The following PI4KA variants were observed in gnomAD, a reference collection of about 807,000 sequenced individuals.
PI4KA encodes PI4-kinase alpha.
Under a neutral mutation model 271.4 loss-of-function variants are expected in PI4KA, and 122 were observed. The ratio of observed to expected loss-of-function variants is 0.45; its 90% CI spans 0.39 to 0.52. The LOEUF is 0.52. Ranked by LOEUF, PI4KA falls within the 20% of genes least tolerant of loss-of-function variation. The pLI, the probability that PI4KA is intolerant of heterozygous loss-of-function variation, is 0.00. For synonymous variants in PI4KA, 1,041 were observed against 1,078.8 expected (o/e 0.96, Z 0.69); for missense variants, 1,969 against 2,769.1 (o/e 0.71, Z 6.48).
intron 43 of PI4KA, among the ~76,000 whole-genome samples, chr22:20,719,826 A>G (rs1295028606): frequency 6.6e-6 from 1 of 151,990 alleles, no homozygotes; most frequent in Non-Finnish European, 1.5e-5. Context: ...GGAAATTGAG[A>G]CCATCCTGGC....
At chr22:20,830,390 T>C (rs1601586995) in intron 3 of PI4KA, among the ~76,000 whole-genome samples, 3 of 152,348 alleles carry the variant, frequency 2.0e-5, no homozygotes, top group South Asian at 4.1e-4. Flanking sequence ...CTTTTACCAT[T>C]ATGTAATGCC....
chr22:20,753,244 A>G, intron 23 of PI4KA, 64 bp from the exon 24 acceptor site: 1 of 1,445,610 alleles, frequency 6.9e-7, no homozygotes, highest in Non-Finnish European at 9.6e-7. Context: ...GCAACTTTCA[A>G]TCATTTTCTT....
intron 28 of PI4KA, 64 bp from the exon 29 acceptor site, chr22:20,747,766 G>A (rs1930271909): frequency 9.8e-6 from 15 of 1,529,660 alleles, no homozygotes; most frequent in Non-Finnish European, 1.3e-5. Context: ...GCAGGGTCTC[G>A]CTCTGTCACC....
intron 1 of PI4KA, among the ~76,000 whole-genome samples, chr22:20,849,714 C>T (rs1017500600): frequency 2.0e-5 from 3 of 151,938 alleles, no homozygotes; most frequent in African/African-American, 7.3e-5. Flanking sequence ...ATTAGCCGGG[C>T]GCAGTGGCGG....
chr22:20,836,331 TTA>T (rs1230595268), intron 2 of PI4KA, among the ~76,000 whole-genome samples: 1 of 152,192 alleles, frequency 6.6e-6, no homozygotes, highest in Non-Finnish European at 1.5e-5. Context: ...GGGGACTTTG[TTA>T]TACCATAATA....
rs539034690 is a variant in PI4KA, at chr22:20,803,356, G to A, written c.1462-36C>T. ...CCATCAACCTGTCACATGGCCTGTGGTATGGGACCATCTGAGTAGGCCCTG... is the reference window on the plus strand; with the variant it reads ...CCATCAACCTGTCACATGGCCTGTGATATGGGACCATCTGAGTAGGCCCTG... On this transcript the variant is annotated intron_variant, in intron 12 of 54. Transcript: ENST00000255882. 5 of 1,612,892 alleles carry A rather than the reference G, an allele frequency of 3.1e-6. No homozygotes were observed. In the East Asian group the frequency reaches 8.9e-5, roughly 29 times the overall value.
At chr22:20,713,256 C>G in intron 48 of PI4KA, 25 bp downstream of exon 48, 1 of 1,504,974 alleles carries the variant, frequency 6.6e-7, no homozygotes, top group Non-Finnish European at 9.1e-7. Flanking sequence ...GTCCCCAAGC[C>G]TACTCGAGGC....
Position 20,810,950 on chromosome 22 carries a change from C to T in PI4KA, c.1071+17G>A. On this transcript the variant is annotated intron_variant, in intron 9 of 54. Coordinates refer to ENST00000255882, the MANE Select transcript of PI4KA (RefSeq NM_058004.4). ...AGTCAGGCTGATCTCATGGTAATGC[C>T]CTCAGAAGCGACATACCTCCATCAC... is the stretch of plus-strand genomic sequence containing the variant. 1.3e-6 allele frequency: 2 copies of T among 1,594,656 alleles called. No homozygotes were observed. The highest frequency in any genetic ancestry group is 1.7e-6 in the Non-Finnish European group (2 of 1,162,314).
intron 3 of PI4KA, among the ~76,000 whole-genome samples, chr22:20,828,179 T>C (rs1311232757): frequency 6.6e-6 from 1 of 152,230 alleles, no homozygotes; most frequent in Non-Finnish European, 1.5e-5. Context: ...TGTATAGGAA[T>C]GCTTCTGATT....
Position 20,751,320 on chromosome 22 carries a change from C to G in PI4KA, c.3126G>C (p.Thr1042=), listed in dbSNP as rs201868783. The G allele has an allele frequency of 1.2e-6, 2 of 1,614,046 alleles. No homozygotes were observed. The highest frequency in any genetic ancestry group is 2.2e-5 in the East Asian group (1 of 44,890). The change falls in exon 27 of 55, where the codon ACG becomes ACC. Residue 1042 remains threonine (T), a synonymous_variant. Transcript: ENST00000255882. The part of the protein sequence containing the change: ...YDIPDAPYRI[T]VPDTYEARES... ...CACGGGCTTCGTACGTGTCAGGAAC[C>G]GTGATCCGGTAGGGGGCGTCGGGGA...
chr22:20,712,902 G>A, intron 48 of PI4KA, 105 bp from the exon 49 acceptor site: 2 of 1,536,600 alleles, frequency 1.3e-6, no homozygotes, highest in Non-Finnish European at 1.8e-6. Context: ...GATGGAGTGA[G>A]GTGGGGAGAC....
In PI4KA at chr22:20,714,613, G is replaced by A. The variant is rs766547223; in HGVS notation, c.5390+15C>T. The A allele has an allele frequency of 5.0e-6, 8 of 1,613,888 alleles. No homozygotes were observed. Among genetic ancestry groups the A allele is most frequent in the Non-Finnish European group, 6.8e-6 (8 of 1,179,868 alleles). On this transcript the variant is annotated intron_variant, in intron 46 of 54. Transcript: ENST00000255882. ...GACGCGTGGAAGTGGGGGATGGGTA[G>A]GGTGAGGCGCCCACCTCTGCATCGG...
intron 22 of PI4KA, among the ~76,000 whole-genome samples, chr22:20,761,992 C>A (rs926411703): frequency 6.6e-6 from 1 of 152,120 alleles, no homozygotes; most frequent in Non-Finnish European, 1.5e-5. Flanking sequence ...AAAAGTGATA[C>A]CTGTATTTTT....
At chr22:20,852,597 T>A (rs1156241173) in intron 1 of PI4KA, among the ~76,000 whole-genome samples, 1 of 152,166 alleles carries the variant, frequency 6.6e-6, no homozygotes, top group African/African-American at 2.4e-5. Flanking sequence ...TCTAGTTGAT[T>A]TAATAACAAT....
intron 23 of PI4KA, among the ~76,000 whole-genome samples, chr22:20,758,702 A>G (rs1931614613): frequency 6.6e-6 from 1 of 151,980 alleles, no homozygotes; most frequent in Non-Finnish European, 1.5e-5. Flanking sequence ...TATAGCCCCA[A>G]CTGGTCCTGG....
At chr22:20,716,199 C>T (rs1245144431) in intron 45 of PI4KA, among the ~76,000 whole-genome samples, 2 of 152,132 alleles carry the variant, frequency 1.3e-5, no homozygotes, top group Non-Finnish European at 2.9e-5. Flanking sequence ...TACAGGCGCC[C>T]GCCACCACAC....
At chr22:20,784,155 TG>T in intron 19 of PI4KA, 1 of 1,614,174 alleles carries the variant, frequency 6.2e-7, no homozygotes, top group Non-Finnish European at 8.5e-7. Flanking sequence ...ATGCTAATTG[TG>T]GTCCCACACA....
Position 20,787,037 on chromosome 22 carries a change from G to T in PI4KA, c.2328+6156C>A, listed in dbSNP as rs1934301567. 6.2e-7 allele frequency: 1 copy of T among 1,614,044 alleles called. No individual in the cohort carries two copies. Among genetic ancestry groups the T allele is most frequent in the African/African-American group, 1.3e-5 (1 of 75,048 alleles). The stretch of plus-strand genomic sequence containing the variant: ...TCGCACCAGCTGCCTGCTCTTCATG[G>T]GAAGAGTGGCCAACCCCAGCAGGTC... On this transcript the variant is annotated intron_variant, in intron 19 of 54. Coordinates refer to ENST00000255882, the MANE Select transcript of PI4KA (RefSeq NM_058004.4).
At chr22:20,724,810 T>G (rs143141746) in intron 42 of PI4KA, among the ~76,000 whole-genome samples, 46 of 151,960 alleles carry the variant, frequency 3.0e-4, no homozygotes, top group Middle Eastern at 3.4e-3. Context: ...CTCACCCTTA[T>G]GCTAGGCCTG....
Sources: gnomAD v4.1 joint callset for allele counts (sites outside exome capture counted in the v4.1 genomes callset) on GRCh38, gnomAD v4.1.1 for gene constraint, MANE v1.5 for transcripts, NCBI Gene and HGNC (gene_info 2026-07-23, HGNC 2026-07-21) for gene names.